Variants in CTNNA3 observed in about 807,000 individuals in gnomAD.
CTNNA3 encodes the protein catenin alpha-3.
A neutral mutation model predicts 95.7 loss-of-function variants in CTNNA3; 76 were observed. The observed-to-expected ratio is 0.79, with a 90% CI of 0.66 to 0.96. The LOEUF is 0.96. Among genes scored for constraint, CTNNA3 ranks in the 40% least tolerant of loss-of-function variants. The pLI is 0.00. For missense variants in CTNNA3, 1,191 were observed against 1,089.8 expected (o/e 1.09, Z -1.31); for synonymous variants, 431 against 374.4 (o/e 1.15, Z -1.74).
At chr10:66,937,635 C>A (rs988204564) in intron 7 of CTNNA3, among the ~76,000 whole-genome samples, 4 of 152,114 alleles carry the variant, frequency 2.6e-5, no homozygotes, top group Admixed American at 6.6e-5. Context: ...GTACATAAAA[C>A]CAATGTCCTC....
chr10:67,329,164 G>A (rs1459838598), intron 5 of CTNNA3, among the ~76,000 whole-genome samples: 1 of 152,188 alleles, frequency 6.6e-6, no homozygotes, highest in Non-Finnish European at 1.5e-5. Flanking sequence ...TTGAGCTCAG[G>A]AGTTCAAGAC....
At chr10:67,701,558 T>C (rs1030365662) in intron 1 of CTNNA3, among the ~76,000 whole-genome samples, 2 of 152,126 alleles carry the variant, frequency 1.3e-5, no homozygotes, top group African/African-American at 2.4e-5. Context: ...TAAAATACTT[T>C]ACAGACAAGC....
At chr10:65,964,555 A>G (rs2077918009) in intron 17 of CTNNA3, among the ~76,000 whole-genome samples, 1 of 152,206 alleles carries the variant, frequency 6.6e-6, no homozygotes, top group Admixed American at 6.5e-5. Flanking sequence ...AGGAAATTGT[A>G]TTTTGGAAGG....
intron 5 of CTNNA3, among the ~76,000 whole-genome samples, chr10:67,362,796 GA>G (rs34913748): frequency 0.71 from 102,933 of 145,830 alleles, 40,205 homozygotes; most frequent in Non-Finnish European, 0.87. Context: ...CATTCAAATA[GA>G]AAAAAAAAAA....
At chr10:66,825,299 G>A (rs1228835372) in intron 7 of CTNNA3, among the ~76,000 whole-genome samples, 1 of 144,742 alleles carries the variant, frequency 6.9e-6, no homozygotes, top group East Asian at 2.0e-4. Flanking sequence ...TTTTTGAGAT[G>A]GAGTCGTGCT....
At chr10:66,001,143 A>T (rs773555738) in intron 15 of CTNNA3, among the ~76,000 whole-genome samples, 16 of 152,038 alleles carry the variant, frequency 1.1e-4, no homozygotes, top group Non-Finnish European at 2.2e-4. Context: ...ATATATATAT[A>T]CTACATTGCA....
At position 66,927,258 on chromosome 10, in the gene CTNNA3, G is replaced by T. The variant is rs772182776; in HGVS notation, c.1048-151734C>A. ...ATGGAATACGCAGACTCAAAGAGCT[G>T]ATTCTTAGTTCCAATAGAATCTCCT... is the stretch of plus-strand genomic sequence containing the variant. On this transcript the variant is annotated intron_variant, in intron 7 of 17. Coordinates refer to ENST00000433211, the MANE Select transcript of CTNNA3 (RefSeq NM_013266.4). The surrounding 1 kb of genome is among the most constrained non-coding windows in gnomAD (Gnocchi z 4.7). 1.2e-6 allele frequency: 2 copies of T among 1,614,074 alleles called. No homozygotes were observed. The highest frequency in any genetic ancestry group is 2.7e-5 in the African/African-American group (2 of 75,042).
intron 4 of CTNNA3, among the ~76,000 whole-genome samples, chr10:67,529,692 A>T (rs1840263012): frequency 1.3e-5 from 2 of 152,044 alleles, no homozygotes; most frequent in African/African-American, 4.8e-5. Context: ...TTTAAAAAAT[A>T]TACGTTTGAA....
chr10:66,136,528 T>C (rs781699850), intron 13 of CTNNA3, among the ~76,000 whole-genome samples: 13 of 152,118 alleles, frequency 8.5e-5, no homozygotes, highest in Non-Finnish European at 1.5e-5. Flanking sequence ...AGGTAATTGT[T>C]ATACACACAG....
intron 13 of CTNNA3, among the ~76,000 whole-genome samples, chr10:66,127,099 G>C (rs557613756): frequency 6.6e-6 from 1 of 151,678 alleles, no homozygotes; most frequent in African/African-American, 2.4e-5. Context: ...GTGAAACCCC[G>C]TCTCTACCAA....
chr10:67,340,465 C>G (rs1842144220), intron 5 of CTNNA3, among the ~76,000 whole-genome samples: 1 of 152,220 alleles, frequency 6.6e-6, no homozygotes, highest in Non-Finnish European at 1.5e-5. Flanking sequence ...TTGCCTTTAA[C>G]ACACTCAGCA....
intron 5 of CTNNA3, among the ~76,000 whole-genome samples, chr10:67,445,298 A>G (rs189035554): frequency 5.3e-5 from 8 of 152,242 alleles, no homozygotes; most frequent in Admixed American, 3.9e-4. Flanking sequence ...CAGAAAACAA[A>G]TAACAAAATA....
intron 13 of CTNNA3, among the ~76,000 whole-genome samples, chr10:66,195,977 A>G (rs1435986733): frequency 1.3e-5 from 2 of 152,180 alleles, no homozygotes; most frequent in Non-Finnish European, 1.5e-5. Context: ...ATACACACAC[A>G]AAGCAATTGG....
At chr10:66,183,564 T>C (rs1279696884) in intron 13 of CTNNA3, among the ~76,000 whole-genome samples, 1 of 152,246 alleles carries the variant, frequency 6.6e-6, no homozygotes, top group Admixed American at 6.5e-5. Context: ...AATTAACCTA[T>C]ACTATGCCAA....
In CTNNA3 at chr10:67,185,358, C is replaced by CCA. The variant is rs558590871; in HGVS notation, c.844-4840_844-4839dup. On this transcript the variant is annotated intron_variant, in intron 6 of 17. Transcript: ENST00000433211. The stretch of plus-strand genomic sequence containing the variant: ...GGCCAGGATGGTCTCGATCTCTTGA[C>CCA]CACATGATCCGCCTGCCTCGGCCTC... Among the ~76,000 whole-genome samples the CCA allele has an allele frequency of 3.0e-3, 460 of 152,106 alleles. 3 individuals carry two copies. The highest frequency in any genetic ancestry group is 4.7e-3 in the Non-Finnish European group (322 of 67,992).
chr10:67,438,214 C>T (rs1015622923), intron 5 of CTNNA3, among the ~76,000 whole-genome samples: 10 of 152,078 alleles, frequency 6.6e-5, no homozygotes, highest in Non-Finnish European at 1.3e-4. Flanking sequence ...ACCACCCCTC[C>T]TAAAAGAAGA....
chr10:66,578,547 A>G (rs933463149), intron 10 of CTNNA3, among the ~76,000 whole-genome samples: 6 of 152,030 alleles, frequency 3.9e-5, no homozygotes, highest in Non-Finnish European at 8.8e-5. Flanking sequence ...ACTGTATCAA[A>G]GGCTATTTCT....
intron 11 of CTNNA3, among the ~76,000 whole-genome samples, chr10:66,482,775 T>C (rs941497443): frequency 6.6e-6 from 1 of 152,114 alleles, no homozygotes; most frequent in South Asian, 2.1e-4. Flanking sequence ...AAGAAGAAAT[T>C]GTAAATAAAT....
chr10:67,407,700 T>C (rs1564630523), intron 5 of CTNNA3, among the ~76,000 whole-genome samples: 1 of 152,212 alleles, frequency 6.6e-6, no homozygotes, highest in Non-Finnish European at 1.5e-5. Context: ...CTTAAGGTGA[T>C]AAGCAACTTC....
Sources: allele counts gnomAD v4.1 joint callset (sites outside exome capture counted in the v4.1 genomes callset), GRCh38; gene constraint gnomAD v4.1.1; non-coding constraint Gnocchi (gnomAD v3.1); transcripts MANE v1.5; gene names NCBI Gene and HGNC (gene_info 2026-07-23, HGNC 2026-07-21).